Variants in ATP7B observed in about 807,000 individuals in gnomAD.
The protein encoded by ATP7B is ATPase copper transporting beta.
A neutral mutation model predicts 118.9 loss-of-function variants in ATP7B; 113 were observed. That is an observed-to-expected ratio of 0.95 (90% CI 0.82 to 1.11). The LOEUF (loss-of-function observed/expected upper bound fraction) is 1.11. Among genes scored for constraint, ATP7B ranks in the 50% most tolerant of loss-of-function variants. The pLI, the probability that ATP7B is intolerant of heterozygous loss-of-function variation, is 0.00. For missense variants in ATP7B, 1,867 were observed against 1,871.4 expected, an observed-to-expected ratio of 1.00 and a Z score of 0.04; for synonymous variants, 777 against 727.4, an observed-to-expected ratio of 1.07 and a Z score of -1.10.
rs576228318 is a variant in ATP7B, at chr13:51,986,249, C to A, written c.52-11081G>T. Among the ~76,000 whole-genome samples, 3 of 152,290 alleles carry A rather than the reference C, an allele frequency of 2.0e-5. No homozygotes were observed. The South Asian group carries it at 6.2e-4, about 32-fold the overall frequency. On this transcript the variant is annotated intron_variant, in intron 1 of 20. Coordinates refer to ENST00000242839, the MANE Select transcript of ATP7B (RefSeq NM_000053.4). ...AAAGGAGATATCACCACCGATCCCA[C>A]AGAAATACAAACTACCATCAGAGAA...
At chr13:51,955,837 C>A (rs1390162830) in intron 9 of ATP7B, among the ~76,000 whole-genome samples, 1 of 151,948 alleles carries the variant, frequency 6.6e-6, no homozygotes, top group African/African-American at 2.4e-5. Flanking sequence ...CATGGCACAG[C>A]AGAGCCCAGC....
chr13:51,960,201 G>T lies in ATP7B; in HGVS notation c.2068C>A (p.Pro690Thr), dbSNP rs563910405. ...ATGAGATTTAGAATGGACAGTCCTG[G>T]AATGATGTTGTGGTCCAGGACCATG... Reference protein sequence around the residue: ...QSMVLDHNIIPGLSILNLIFF... With the variant: ...QSMVLDHNIITGLSILNLIFF... The change falls in exon 7 of 21, where the codon CCA becomes ACA. Residue 690 changes from proline to threonine, a missense_variant. Coordinates refer to ENST00000242839, the MANE Select transcript of ATP7B (RefSeq NM_000053.4). 3 of 1,613,966 alleles carry T rather than the reference G, an allele frequency of 1.9e-6. No homozygotes were observed. The African/African-American group carries it at 4.0e-5, about 22-fold the overall frequency.
At chr13:51,983,679 C>T (rs1417073999) in intron 1 of ATP7B, among the ~76,000 whole-genome samples, 4 of 151,928 alleles carry the variant, frequency 2.6e-5, no homozygotes, top group Non-Finnish European at 5.9e-5. Context: ...TGGCATCTGG[C>T]AGGTGCCCCT....
chr13:51,975,919 T>C (rs1210013761), intron 1 of ATP7B, among the ~76,000 whole-genome samples: 1 of 152,234 alleles, frequency 6.6e-6, no homozygotes, highest in Non-Finnish European at 1.5e-5. Flanking sequence ...GTTCTGCCTG[T>C]GACTCAGTGT....
At position 51,973,930 on chromosome 13, in the gene ATP7B, C is replaced by T. The variant is rs370579582; in HGVS notation, c.1285+5G>A. On this transcript the variant is annotated splice_donor_5th_base_variant and intron_variant, in intron 2 of 20. Transcript: ENST00000242839. ...CTCAGGACATGCCTCAAACACACTA[C>T]GTACCAGAAACGACTGAAGCCTCAA... 3.7e-6 allele frequency: 6 copies of T among 1,614,242 alleles called. No homozygotes were observed. Among genetic ancestry groups the T allele is most frequent in the African/African-American group, 1.3e-5 (1 of 75,056 alleles).
intron 3 of ATP7B, 82 bp downstream of exon 3, chr13:51,970,410 C>T: frequency 1.9e-6 from 3 of 1,590,426 alleles, no homozygotes; most frequent in Non-Finnish European, 2.6e-6. Context: ...TACTGATAAA[C>T]ACAGTTGCTG....
chr13:51,949,545 C>A, intron 12 of ATP7B, 117 bp downstream of exon 12: 1 of 1,465,102 alleles, frequency 6.8e-7, no homozygotes, highest in Non-Finnish European at 9.4e-7. Flanking sequence ...GAGAAGCAAG[C>A]AAATAAAATG....
rs1479251765 is a variant in ATP7B, at chr13:51,946,166, A to G, written c.3060+118T>C. ...TATTCCCAGTTATACTTGACTTCCT[A>G]TTCTATGTAATTAACACTGCTGTCT... is the stretch of plus-strand genomic sequence containing the variant. On this transcript the variant is annotated intron_variant, in intron 13 of 20. Coordinates refer to ENST00000242839, the MANE Select transcript of ATP7B (RefSeq NM_000053.4). 2.6e-5 allele frequency: 35 copies of G among 1,360,584 alleles called. No individual in the cohort carries two copies. In the Admixed American group the frequency reaches 7.3e-4, roughly 28 times the overall value. The allele number at this position is 1,360,584 out of a possible 1,614,324, so 84.3% of individuals were successfully genotyped here.
At position 51,944,266 on chromosome 13, in the gene ATP7B, G is replaced by A. The variant is rs1555286628; in HGVS notation, c.3086C>T (p.Thr1029Ile). ...HKIKTVMFDK[T>I]GTITHGVPRV... is the part of the protein sequence containing the mutation. ...GGGGACGCCATGGGTAATGGTGCCAGTCTTGTCAAACATCACAGTCTTTAT... is the reference window on the plus strand; with the variant it reads ...GGGGACGCCATGGGTAATGGTGCCAATCTTGTCAAACATCACAGTCTTTAT... The change falls in exon 14 of 21, where the codon ACT (threonine) becomes ATT (isoleucine). Residue 1029 changes from threonine (T) to isoleucine (I), a missense_variant. By Grantham distance (89) the Thr-to-Ile change is moderately conservative (BLOSUM62 -1). Coordinates refer to ENST00000242839, the MANE Select transcript of ATP7B (RefSeq NM_000053.4). The A allele has an allele frequency of 1.9e-6, 3 of 1,614,074 alleles. No individual in the cohort carries two copies. Among genetic ancestry groups the A allele is most frequent in the East Asian group, 4.5e-5 (2 of 44,876 alleles).
intron 20 of ATP7B, 149 bp from the exon 21 acceptor site, chr13:51,935,178 C>A: frequency 8.3e-7 from 1 of 1,198,100 alleles, no homozygotes; most frequent in Non-Finnish European, 1.2e-6. Context: ...ATTAAACTCC[C>A]TATGGTTCCA....
chr13:51,934,785 T>G lies in ATP7B; in HGVS notation c.4369A>C (p.Asn1457His). 1.2e-6 allele frequency: 2 copies of G among 1,614,062 alleles called. No homozygotes were observed. Among genetic ancestry groups the G allele is most frequent in the Non-Finnish European group, 1.7e-6 (2 of 1,180,034 alleles). The change falls in exon 21 of 21, where the codon AAT becomes CAT. Residue 1457 changes from asparagine (N) to histidine (H), a missense_variant. Physicochemically the swap from Asn to His is moderately conservative, Grantham distance 68. Transcript: ENST00000242839. ...ATGTACTGCTCCTCATCCCTGCCAT[T>G]CAGGAGCAGAGACCACTTGTCCCCA... ...DDGDKWSLLL[N>H]GRDEEQYI is the part of the protein sequence containing the mutation.
At chr13:52,011,477 C>T (rs1954035966), upstream of ATP7B, 2 of 974,246 alleles carry the variant, frequency 2.1e-6, no homozygotes, top group South Asian at 2.7e-5. Context: ...GGCTCTAAAG[C>T]AAACAGGGGT....
Position 51,974,515 on chromosome 13 carries a change from A to G in ATP7B, c.705T>C (p.Pro235=), listed in dbSNP as rs1343692260. 6.2e-7 allele frequency: 1 copy of G among 1,614,160 alleles called. No homozygotes were observed. ...ERLQSTNPKR[P]LSSANQNFNN... is the part of the protein sequence containing the mutation. ...TAAAATTCTGGTTAGCAGAAGATAA[A>G]GGTCTCTTTGGGTTAGTGCTTTGTA... Residue 235 remains proline (P), a synonymous_variant, in exon 2 of 21, where the codon CCT becomes CCC. Transcript: ENST00000242839.
chr13:51,992,057 A>T (rs1474637720), intron 1 of ATP7B, among the ~76,000 whole-genome samples: 1 of 152,072 alleles, frequency 6.6e-6, no homozygotes, highest in African/African-American at 2.4e-5. Context: ...TAGAAGAATC[A>T]AAGAAACAGG....
At chr13:52,011,521 G>A, upstream of ATP7B, 1 of 718,462 alleles carries the variant, frequency 1.4e-6, no homozygotes, top group South Asian at 1.6e-5. Context: ...GACCGGGGAA[G>A]CCGCAGCCCT....
At chr13:51,975,279 A>C (rs1468082957) in intron 1 of ATP7B, 111 bp from the exon 2 acceptor site, 2 of 1,385,774 alleles carry the variant, frequency 1.4e-6, no homozygotes, top group Admixed American at 3.3e-5. Context: ...GTGTCAAAAT[A>C]TCCCAAGGGT....
chr13:51,950,497 TACTGAGC>T, intron 9 of ATP7B, 98 bp from the exon 10 acceptor site: 1 of 1,528,142 alleles, frequency 6.5e-7, no homozygotes, highest in South Asian at 1.1e-5. Flanking sequence ...TATTTGCTTA[TACTGAGC>T]AACAGTATTC....
rs1474743038 is a variant in ATP7B at position 51,974,696 on chromosome 13, T to G, written c.524A>C (p.Lys175Thr). The G allele has an allele frequency of 6.2e-7, 1 of 1,612,032 alleles. No homozygotes were observed. The highest frequency in any genetic ancestry group is 2.2e-5 in the East Asian group (1 of 44,814). ...VRKLQGVVRVKVSLSNQEAVI... is the reference protein window; with the variant it reads ...VRKLQGVVRVTVSLSNQEAVI... ...GGCCTCTTGGTTGCTGAGTGAGACT[T>G]TGACTCTCACTACTCCTTGCAGTTT... The change falls in exon 2 of 21, where the codon AAA (lysine) becomes ACA (threonine). Residue 175 changes from lysine to threonine, a missense_variant. Transcript: ENST00000242839.
chr13:51,994,597 A>G (rs1262841130), intron 1 of ATP7B, among the ~76,000 whole-genome samples: 1 of 152,218 alleles, frequency 6.6e-6, no homozygotes, highest in Non-Finnish European at 1.5e-5. Flanking sequence ...TTCAATATCC[A>G]AGTACCCTGT....
Sources: allele counts gnomAD v4.1 joint callset (sites outside exome capture counted in the v4.1 genomes callset), GRCh38; gene constraint gnomAD v4.1.1; transcripts MANE v1.5; gene names NCBI Gene and HGNC (gene_info 2026-07-23, HGNC 2026-07-21).